The following NCAM2 variants were observed in gnomAD, a reference collection of about 807,000 sequenced individuals.
The protein encoded by NCAM2 is neural cell adhesion molecule 2, also known as N-CAM-2.
Under a neutral mutation model 98.1 loss-of-function variants are expected in NCAM2, and 30 were observed. That is an observed-to-expected ratio of 0.31 (90% confidence interval 0.23 to 0.41). The LOEUF (loss-of-function observed/expected upper bound fraction) is 0.41, where lower values mean the gene tolerates loss of function less well. NCAM2 is among the 10% of genes least tolerant of loss of function. The pLI is 1.00. For missense variants in NCAM2, 867 were observed against 1,005.8 expected (o/e 0.86, Z 1.87); for synonymous variants, 368 against 342.4 (o/e 1.07, Z -0.83).
In NCAM2 at chr21:21,286,349, A is replaced by G. The variant is rs200645709; in HGVS notation, c.418A>G (p.Ser140Gly). The G allele has an allele frequency of 4.6e-4, 739 of 1,612,536 alleles. 12 individuals carry two copies. In the South Asian group the frequency reaches 6.9e-3, roughly 15 times the overall value. The change falls in exon 4 of 18, where the codon AGT (serine) becomes GGT (glycine). Residue 140 changes from serine to glycine, a missense_variant. Physicochemically the swap from Ser to Gly is moderately conservative, Grantham distance 56. This residue lies in a region of NCAM2 where 447 missense variants were observed against 495.7 expected (regional missense o/e 0.90). Coordinates refer to ENST00000400546, the MANE Select transcript of NCAM2 (RefSeq NM_004540.5). ...EDAEVVCRVS[S>G]SPAPAVSWLY... ...TGCAGAAGTGGTTTGCCGAGTTAGC[A>G]GTTCACCTGCACCTGCTGTCAGCTG...
In NCAM2 at chr21:21,080,667, A is replaced by C. The variant is rs1320852387; in HGVS notation, c.55+82049A>C. Among the ~76,000 whole-genome samples, 121 of 145,588 alleles carry C rather than the reference A, an allele frequency of 8.3e-4. 3 individuals are homozygous for C. Among genetic ancestry groups the C allele is most frequent in the African/African-American group, 3.0e-3 (114 of 38,042 alleles). ...AATTGATAAGATCTCAAAAAAAAAAAAAAAAAAAAAAAACCAACATTGATT... is the reference window on the plus strand; with the variant it reads ...AATTGATAAGATCTCAAAAAAAAAACAAAAAAAAAAAAACCAACATTGATT... On this transcript the variant is annotated intron_variant, in intron 1 of 17. Transcript: ENST00000400546.
At chr21:21,459,229 A>G (rs906685617) in intron 12 of NCAM2, among the ~76,000 whole-genome samples, 1 of 152,054 alleles carries the variant, frequency 6.6e-6, no homozygotes, top group Non-Finnish European at 1.5e-5. Flanking sequence ...AAACGGTAAC[A>G]GTGTACACTT....
chr21:21,056,490 C>G (rs200478750), intron 1 of NCAM2, among the ~76,000 whole-genome samples: 14 of 138,432 alleles, frequency 1.0e-4, no homozygotes, highest in East Asian at 4.3e-4. Context: ...AGAGATATGT[C>G]TGTGTGTGTG....
rs1381725999 is a variant in NCAM2 at position 21,264,025 on chromosome 21, G to T, written c.56-16553G>T. On this transcript the variant is annotated intron_variant, in intron 1 of 17. Transcript: ENST00000400546. ...TTTAAGTAAGCTAAAGATCTGCACA[G>T]CAAAAGAAACCATCAACAAAACCCA... 2.0e-5 allele frequency among the ~76,000 whole-genome samples: 3 copies of T among 152,022 alleles called. No homozygotes were observed. The East Asian group carries it at 5.8e-4, about 29-fold the overall frequency.
Position 21,156,048 on chromosome 21 carries a change from T to G in NCAM2, c.56-124530T>G, listed in dbSNP as rs80249337. 4.7e-3 allele frequency among the ~76,000 whole-genome samples: 715 copies of G among 152,134 alleles called. 8 individuals carry two copies. The highest frequency in any genetic ancestry group is 5.0e-3 in the Non-Finnish European group (341 of 67,874). On this transcript the variant is annotated intron_variant, in intron 1 of 17. Coordinates refer to ENST00000400546, the MANE Select transcript of NCAM2 (RefSeq NM_004540.5). ...GTGAGTTTGTAGTAGTCATACTGTC[T>G]GCTTCCTGCCCTTGACTCAGTATCT...
At chr21:21,333,752 G>A (rs914429081) in intron 6 of NCAM2, among the ~76,000 whole-genome samples, 12 of 151,884 alleles carry the variant, frequency 7.9e-5, no homozygotes, top group South Asian at 6.2e-4. Flanking sequence ...AACCTCTACC[G>A]TGCTATTATT....
At chr21:21,433,079 T>C (rs924158470) in intron 12 of NCAM2, among the ~76,000 whole-genome samples, 6 of 152,172 alleles carry the variant, frequency 3.9e-5, no homozygotes, top group Non-Finnish European at 8.8e-5. Flanking sequence ...CCAATTCTAG[T>C]GAACATAGAG....
intron 11 of NCAM2, among the ~76,000 whole-genome samples, chr21:21,425,507 C>T (rs898501002): frequency 6.6e-6 from 1 of 152,002 alleles, no homozygotes; most frequent in Non-Finnish European, 1.5e-5. Flanking sequence ...TCAAGACATA[C>T]TCATATTTGG....
chr21:21,142,472 G>A (rs1211300965), intron 1 of NCAM2, among the ~76,000 whole-genome samples: 3 of 141,776 alleles, frequency 2.1e-5, no homozygotes, highest in African/African-American at 8.0e-5. Flanking sequence ...TCCGCCTTCT[G>A]GGTTCACGCC....
At chr21:21,355,944 A>G (rs1397949279) in intron 8 of NCAM2, among the ~76,000 whole-genome samples, 1 of 152,162 alleles carries the variant, frequency 6.6e-6, no homozygotes, top group Non-Finnish European at 1.5e-5. Flanking sequence ...GTCACCTTTA[A>G]CAATTAATTT....
chr21:21,473,373 A>AATAAAT (rs71322063), intron 14 of NCAM2, among the ~76,000 whole-genome samples: 3 of 140,502 alleles, frequency 2.1e-5, no homozygotes, highest in African/African-American at 7.9e-5. Flanking sequence ...TATATGTATA[A>AATAAAT]ATATATATAT....
At chr21:21,201,308 T>A (rs551625309) in intron 1 of NCAM2, among the ~76,000 whole-genome samples, 14 of 152,270 alleles carry the variant, frequency 9.2e-5, no homozygotes, top group Admixed American at 2.0e-4. Flanking sequence ...CCCAAGATCA[T>A]GATTTTCAGT....
At chr21:21,296,586 T>A (rs1174462464) in intron 5 of NCAM2, among the ~76,000 whole-genome samples, 2 of 151,660 alleles carry the variant, frequency 1.3e-5, no homozygotes, top group African/African-American at 4.8e-5. Context: ...AAAAACCTGA[T>A]TTATGGGACA....
chr21:21,517,388 C>G (rs1037825), intron 16 of NCAM2, among the ~76,000 whole-genome samples: 94,685 of 152,014 alleles, frequency 0.62, 29,615 homozygotes, highest in East Asian at 0.77. Context: ...CATTAACATT[C>G]TACCAAATGG....
At chr21:21,309,939 T>A (rs936744883) in intron 5 of NCAM2, among the ~76,000 whole-genome samples, 1 of 152,240 alleles carries the variant, frequency 6.6e-6, no homozygotes, top group Non-Finnish European at 1.5e-5. Flanking sequence ...CTGACATTTT[T>A]AGCTGTTTCA....
intron 6 of NCAM2, among the ~76,000 whole-genome samples, chr21:21,327,268 A>G (rs1396526186): frequency 7.1e-6 from 1 of 141,302 alleles, no homozygotes; most frequent in African/African-American, 2.7e-5. Context: ...AGTTCGCGCC[A>G]CTACACTCCA....
intron 1 of NCAM2, among the ~76,000 whole-genome samples, chr21:21,064,846 C>G (rs2065400166): frequency 6.6e-6 from 1 of 152,080 alleles, no homozygotes; most frequent in South Asian, 2.1e-4. Flanking sequence ...CAACGGGCAA[C>G]ATGATTACTC....
chr21:21,356,792 A>G (rs1056692393), intron 8 of NCAM2, among the ~76,000 whole-genome samples: 2 of 152,082 alleles, frequency 1.3e-5, no homozygotes, highest in African/African-American at 2.4e-5. Context: ...GGAGTTCGAG[A>G]CAAACGTGGC....
At chr21:21,059,697 A>T (rs369156758) in intron 1 of NCAM2, among the ~76,000 whole-genome samples, 61 of 152,270 alleles carry the variant, frequency 4.0e-4, no homozygotes, top group African/African-American at 1.4e-3. Flanking sequence ...CGTTCTCTAA[A>T]ATAGTGGTTC....
Sources: gnomAD v4.1 joint callset for allele counts (sites outside exome capture counted in the v4.1 genomes callset) on GRCh38, gnomAD v4.1.1 for gene constraint, gnomAD v4.1.1 regional missense constraint, MANE v1.5 for transcripts, NCBI Gene and HGNC (gene_info 2026-07-23, HGNC 2026-07-21) for gene names.